MRC1: variants seen among roughly 807,000 people sequenced by gnomAD.
The protein encoded by MRC1 is mannose receptor C-type 1, also known as macrophage mannose receptor 1.
A neutral mutation model predicts 102.9 loss-of-function variants in MRC1; 62 were observed. That is an observed-to-expected ratio of 0.60 (90% CI 0.49 to 0.74). The LOEUF is 0.74. Ranked by LOEUF, MRC1 falls within the 30% of genes least tolerant of loss-of-function variation. The probability of loss-of-function intolerance (pLI) is 0.00; values close to 1 mark genes in which losing one functional copy is unlikely to be tolerated. For synonymous variants in MRC1, 457 were observed against 298.4 expected (o/e 1.53, Z -5.48); for missense variants, 1,237 against 862.8 (o/e 1.43, Z -5.43).
intron 21 of MRC1, 67 bp from the exon 22 acceptor site, chr10:17,885,202 G>T: frequency 2.6e-6 from 2 of 777,968 alleles, no homozygotes; most frequent in South Asian, 2.7e-5. Flanking sequence ...CATATATTTT[G>T]AATATTTTCC....
rs568858110 is a variant in MRC1 at position 17,849,709 on chromosome 10, C to T, written c.1194C>T (p.Leu398=). The change falls in exon 7 of 30, where the codon CTC becomes CTT. Residue 398 remains leucine (L), a synonymous_variant. Transcript: ENST00000569591. ...LTTCRKEGGD[L]TSIHTIEELD... is the part of the protein sequence containing the mutation. ...CCTGCAGGAAGGAAGGCGGTGACCT[C>T]ACAAGTATCCACACCATCGAGGAAT... The T allele has an allele frequency of 3.0e-3, 2,353 of 780,902 alleles. 41 individuals carry two copies. In the African/African-American group the frequency reaches 0.035, roughly 12 times the overall value. The allele number at this position is 780,902 out of a possible 1,614,324, so 48.4% of individuals were successfully genotyped here.
At chr10:17,872,673 A>G (rs1458042379) in intron 15 of MRC1, among the ~76,000 whole-genome samples, 4 of 152,140 alleles carry the variant, frequency 2.6e-5, no homozygotes, top group African/African-American at 9.7e-5. Flanking sequence ...CTCTGATGCT[A>G]TTAGCCAAAC....
rs1290362338 is a variant in MRC1, at chr10:17,850,569, G to A, written c.1249+805G>A. On this transcript the variant is annotated intron_variant, in intron 7 of 29. Transcript: ENST00000569591. ...GGGAATGCTTGTCCCGAAGATGAGC[G>A]GCTTGAGAAACAGCATAATGATAAT... is the stretch of plus-strand genomic sequence containing the variant. 3.3e-5 allele frequency among the ~76,000 whole-genome samples: 5 copies of A among 152,270 alleles called. No homozygotes were observed. The East Asian group carries it at 7.7e-4, about 23-fold the overall frequency.
chr10:17,901,010 C>A, intron 25 of MRC1, 57 bp downstream of exon 25: 1 of 756,862 alleles, frequency 1.3e-6, no homozygotes, highest in South Asian at 1.4e-5. Context: ...TAAGCTACTA[C>A]ATACCACTGT....
At chr10:17,866,280 A>G (rs949394758) in intron 11 of MRC1, among the ~76,000 whole-genome samples, 4,080 of 133,112 alleles carry the variant, frequency 0.031, 90 homozygotes, top group Middle Eastern at 0.085. Context: ...GAGGAAGGGA[A>G]GAAGGAAGGA....
At chr10:17,827,948 A>G (rs1326687701) in intron 3 of MRC1, among the ~76,000 whole-genome samples, 1 of 152,104 alleles carries the variant, frequency 6.6e-6, no homozygotes, top group East Asian at 1.9e-4. Flanking sequence ...TAGGCTTTGT[A>G]TGTGTATTTT....
At chr10:17,894,908 C>T (rs1833734231) in intron 23 of MRC1, among the ~76,000 whole-genome samples, 1 of 152,140 alleles carries the variant, frequency 6.6e-6, no homozygotes, top group South Asian at 2.1e-4. Flanking sequence ...CACTGTGGCT[C>T]ATGCCTGTAA....
chr10:17,867,927 T>C (rs990423157), intron 12 of MRC1, among the ~76,000 whole-genome samples: 1 of 152,180 alleles, frequency 6.6e-6, no homozygotes, highest in South Asian at 2.1e-4. Flanking sequence ...AAGGAAATGA[T>C]AGGTTGGGGC....
In MRC1 at chr10:17,880,566, A is replaced by G. The variant is rs935227248; in HGVS notation, c.2761A>G (p.Ile921Val). Residue 921 changes from isoleucine to valine, a missense_variant, in exon 20 of 30, where the codon ATT (isoleucine) becomes GTT (valine). Transcript: ENST00000569591. ...TAACTGTGGCTATCCAAACGCCTTC[A>G]TTTGCCAGCGACATAACAGTAGTAT... ...DINCGYPNAF[I>V]CQRHNSSINA... The G allele has an allele frequency of 3.8e-6, 3 of 780,830 alleles. No homozygotes were observed. The Admixed American group carries it at 5.1e-5, about 13-fold the overall frequency. 48.4% of individuals were successfully genotyped at this position (780,830 alleles called of 1,614,324 possible). A position where few individuals can be genotyped will look rare whatever the true frequency, so the allele number is the denominator to read the frequency against.
At chr10:17,867,549 A>G (rs1833294157) in intron 12 of MRC1, among the ~76,000 whole-genome samples, 1 of 151,904 alleles carries the variant, frequency 6.6e-6, no homozygotes, top group Non-Finnish European at 1.5e-5. Context: ...AAGCCTCCCA[A>G]GTAGCTACAG....
intron 27 of MRC1, among the ~76,000 whole-genome samples, chr10:17,907,229 G>A (rs1440490373): frequency 1.3e-5 from 2 of 152,164 alleles, no homozygotes; most frequent in Non-Finnish European, 2.9e-5. Context: ...AGTTTGAGGA[G>A]CTTTAAAAAG....
intron 22 of MRC1, among the ~76,000 whole-genome samples, chr10:17,889,011 C>T (rs1564624388): frequency 6.6e-6 from 1 of 152,160 alleles, no homozygotes. Context: ...TAGATCATTA[C>T]GTAATGTTCC....
intron 1 of MRC1, among the ~76,000 whole-genome samples, chr10:17,819,119 G>C (rs1209542413): frequency 6.6e-6 from 1 of 152,144 alleles, no homozygotes; most frequent in Non-Finnish European, 1.5e-5. Context: ...AGAAAGAAAA[G>C]AATTTTACTA....
At chr10:17,900,065 T>A (rs1441026389) in intron 24 of MRC1, among the ~76,000 whole-genome samples, 1 of 136,000 alleles carries the variant, frequency 7.4e-6, no homozygotes, top group Non-Finnish European at 1.5e-5. Flanking sequence ...GCCATTGCAC[T>A]CAAGCCTGGG....
At chr10:17,862,665 G>T (rs971613815) in intron 10 of MRC1, among the ~76,000 whole-genome samples, 128 of 152,084 alleles carry the variant, frequency 8.4e-4, no homozygotes, top group African/African-American at 3.0e-3. Flanking sequence ...AATTTTTTTG[G>T]TTTGTTTTGT....
At chr10:17,851,146 A>G (rs1838909839) in intron 7 of MRC1, among the ~76,000 whole-genome samples, 2 of 152,294 alleles carry the variant, frequency 1.3e-5, no homozygotes, top group South Asian at 4.1e-4. Context: ...ATTTAACTCT[A>G]CTTTGTATAA....
chr10:17,836,278 C>T lies in MRC1; in HGVS notation c.802+2439C>T, dbSNP rs958175364. Among the ~76,000 whole-genome samples, 5 of 152,176 alleles carry T rather than the reference C, an allele frequency of 3.3e-5. No individual in the cohort carries two copies. The South Asian group carries it at 8.3e-4, about 25-fold the overall frequency. On this transcript the variant is annotated intron_variant, in intron 4 of 29. Coordinates refer to ENST00000569591, the MANE Select transcript of MRC1 (RefSeq NM_002438.4). ...AGGATAGAAAAGCAATATGATGTCA[C>T]TGTGGATTCATAGTCTTAGAGATAG...
chr10:17,832,472 G>A (rs1254840693), intron 3 of MRC1, among the ~76,000 whole-genome samples: 3 of 150,218 alleles, frequency 2.0e-5, no homozygotes, highest in Non-Finnish European at 4.4e-5. Context: ...GGAGAATGGC[G>A]TGAACCCGGG....
intron 10 of MRC1, among the ~76,000 whole-genome samples, chr10:17,861,984 G>C (rs1833191230): frequency 6.6e-6 from 1 of 152,146 alleles, no homozygotes; most frequent in African/African-American, 2.4e-5. Context: ...GGACATAGAG[G>C]AGCTTATGTA....
Sources: gnomAD v4.1 joint callset for allele counts (sites outside exome capture counted in the v4.1 genomes callset) on GRCh38, gnomAD v4.1.1 for gene constraint, MANE v1.5 for transcripts, NCBI Gene and HGNC (gene_info 2026-07-23, HGNC 2026-07-21) for gene names.